FBH1: variants seen among roughly 807,000 people sequenced by gnomAD.
FBH1 encodes the protein F-box DNA helicase 1.
In FBH1, 43 loss-of-function variants were observed where a neutral mutation model predicts 115.5. The observed-to-expected ratio is 0.37, with a 90% CI of 0.29 to 0.48. The LOEUF is 0.48. Among genes scored for constraint, FBH1 ranks in the 20% least tolerant of loss-of-function variants. The probability of loss-of-function intolerance (pLI) is 0.99; values close to 1 mark genes in which losing one functional copy is unlikely to be tolerated. For missense variants in FBH1, 1,001 were observed against 1,337.3 expected, an observed-to-expected ratio of 0.75 and a Z score of 3.92; for synonymous variants, 524 against 507.8, an observed-to-expected ratio of 1.03 and a Z score of -0.43.
chr10:5,893,801 T>C (rs1226755988), intron 1 of FBH1, among the ~76,000 whole-genome samples: 3 of 152,202 alleles, frequency 2.0e-5, no homozygotes, highest in Non-Finnish European at 4.4e-5. Flanking sequence ...ACACCAAGGA[T>C]ACCATAAGAC....
At chr10:5,912,139 C>G (rs151233682) in intron 6 of FBH1, among the ~76,000 whole-genome samples, 4 of 152,072 alleles carry the variant, frequency 2.6e-5, no homozygotes, top group African/African-American at 9.6e-5. Context: ...GCGGGCAGTT[C>G]GCTTGAGGCC....
rs1453623334 is a variant in FBH1, at chr10:5,917,014, C to G, written c.1789-406C>G. 4.7e-6 allele frequency: 1 copy of G among 211,388 alleles called. No individual in the cohort carries two copies. The highest frequency in any genetic ancestry group is 1.2e-4 in the East Asian group (1 of 8,490). 13.1% of individuals were successfully genotyped at this position (211,388 alleles called of 1,614,324 possible). A position where few individuals can be genotyped will look rare whatever the true frequency, so the allele number is the denominator to read the frequency against. Reference sequence around the variant, plus strand: ...TGATCTTAACTGAAGGCTGGAATCTCTCCTGATTTTCTTGGGTTATTGGTT... The same window carrying G: ...TGATCTTAACTGAAGGCTGGAATCTGTCCTGATTTTCTTGGGTTATTGGTT... On this transcript the variant is annotated intron_variant, in intron 10 of 20. Coordinates refer to ENST00000362091, the MANE Select transcript of FBH1 (RefSeq NM_178150.3). The surrounding 1 kb of genome is among the most constrained non-coding windows in gnomAD (Gnocchi z 5.6).
Position 5,908,890 on chromosome 10 carries a change from C to A in FBH1, c.754-35C>A, listed in dbSNP as rs376059819. ...TAATCTGCTTTCTAATGGCCCTTTG[C>A]CTCATGTTATTTTGTTTGTTTTTTA... On this transcript the variant is annotated intron_variant, in intron 3 of 20. Transcript: ENST00000362091. 30 of 1,611,078 alleles carry A rather than the reference C, an allele frequency of 1.9e-5. No individual in the cohort carries two copies. The African/African-American group carries it at 3.7e-4, about 20-fold the overall frequency.
chr10:5,894,064 G>A (rs1202100382), intron 1 of FBH1: 5 of 985,326 alleles, frequency 5.1e-6, no homozygotes, highest in Admixed American at 6.1e-5. Context: ...TGTCTCAGAT[G>A]TGAGAGGATC....
chr10:5,893,316 A>G (rs902218185), intron 1 of FBH1, among the ~76,000 whole-genome samples: 1 of 152,144 alleles, frequency 6.6e-6, no homozygotes, highest in Non-Finnish European at 1.5e-5. Flanking sequence ...TCTGAAAACA[A>G]AAAACAAACA....
intron 13 of FBH1, among the ~76,000 whole-genome samples, chr10:5,920,110 A>G (rs529690948): frequency 1.1e-4 from 16 of 152,258 alleles, no homozygotes; most frequent in Non-Finnish European, 2.1e-4. Context: ...TGGCTGTGAC[A>G]GTTGCTCAGA....
chr10:5,917,827 C>T lies in FBH1; in HGVS notation c.1963+151C>T. 1.4e-6 allele frequency: 1 copy of T among 707,368 alleles called. No individual in the cohort carries two copies. The highest frequency in any genetic ancestry group is 2.4e-6 in the Non-Finnish European group (1 of 423,192). 43.8% of individuals were successfully genotyped at this position (707,368 alleles called of 1,614,324 possible). A position where few individuals can be genotyped will look rare whatever the true frequency, so the allele number is the denominator to read the frequency against. Reference sequence around the variant, plus strand: ...CTTACCTTAGGATTTCAAGCTGCCCCTTCCCCTCACCCAAGCAGATTTCTC... The same window carrying T: ...CTTACCTTAGGATTTCAAGCTGCCCTTTCCCCTCACCCAAGCAGATTTCTC... On this transcript the variant is annotated intron_variant, in intron 12 of 20. Coordinates refer to ENST00000362091, the MANE Select transcript of FBH1 (RefSeq NM_178150.3). The surrounding 1 kb of genome is among the most constrained non-coding windows in gnomAD (Gnocchi z 5.6).
At position 5,913,830 on chromosome 10, in the gene FBH1, T is replaced by C; in HGVS notation, c.1295T>C (p.Val432Ala). The C allele has an allele frequency of 6.3e-7, 1 of 1,599,796 alleles. No homozygotes were observed. Among genetic ancestry groups the C allele is most frequent in the Non-Finnish European group, 8.5e-7 (1 of 1,176,066 alleles). Residue 432 changes from valine (V) to alanine (A), a missense_variant, in exon 7 of 21, where the codon GTC (valine) becomes GCC (alanine). Physicochemically the swap from Val to Ala is moderately conservative, Grantham distance 64 (BLOSUM62 0). Transcript: ENST00000362091. This position sits in a 1 kb window ranked among gnomAD's most constrained non-coding sequence, Gnocchi z 4.4. ...ACAAAAGTTAAAGAGGAGCCATCTG[T>C]CTGGCCAGGGTATGTGTATATGTGC... Reference protein sequence around the residue: ...QATKVKEEPSVWPGKKTIQLT... With the variant: ...QATKVKEEPSAWPGKKTIQLT...
intron 2 of FBH1, among the ~76,000 whole-genome samples, chr10:5,903,590 A>C (rs890283028): frequency 1.3e-5 from 2 of 151,922 alleles, no homozygotes; most frequent in Non-Finnish European, 2.9e-5. Context: ...CGGCCTCCCA[A>C]ACTGCTGGGA....
chr10:5,933,516 T>C lies in FBH1; in HGVS notation c.2830-2940T>C, dbSNP rs140023547. ...CAGAATCTAGAGAAATACTTCCCCATTACTGAGACTGGGGTGGGCTGTCTG... is the reference window on the plus strand; with the variant it reads ...CAGAATCTAGAGAAATACTTCCCCACTACTGAGACTGGGGTGGGCTGTCTG... On this transcript the variant is annotated intron_variant, in intron 19 of 20. Coordinates refer to ENST00000362091, the MANE Select transcript of FBH1 (RefSeq NM_178150.3). This position sits in a 1 kb window ranked among gnomAD's most constrained non-coding sequence, Gnocchi z 4.9. 6.6e-6 allele frequency among the ~76,000 whole-genome samples: 1 copy of C among 152,352 alleles called. No homozygotes were observed. The highest frequency in any genetic ancestry group is 1.9e-4 in the East Asian group (1 of 5,192).
In FBH1 at chr10:5,924,066, C is replaced by A. The variant is rs375870070; in HGVS notation, c.2399-245C>A. 5 of 582,862 alleles carry A rather than the reference C, an allele frequency of 8.6e-6. No homozygotes were observed. Among genetic ancestry groups the A allele is most frequent in the East Asian group, 8.5e-5 (3 of 35,162 alleles). The allele number at this position is 582,862 out of a possible 1,614,324, so 36.1% of individuals were successfully genotyped here. On this transcript the variant is annotated intron_variant, in intron 16 of 20. Coordinates refer to ENST00000362091, the MANE Select transcript of FBH1 (RefSeq NM_178150.3). The surrounding 1 kb of genome is among the most constrained non-coding windows in gnomAD (Gnocchi z 6.2). ...CCTGTTGACTGCACTATTTCAAATCCCTGTGAAGTAGGTGAGGATCTTGAG... is the reference window on the plus strand; with the variant it reads ...CCTGTTGACTGCACTATTTCAAATCACTGTGAAGTAGGTGAGGATCTTGAG...
intron 20 of FBH1, 98 bp from the exon 21 acceptor site, chr10:5,937,012 G>GT: frequency 2.2e-6 from 3 of 1,353,250 alleles, no homozygotes; most frequent in African/African-American, 1.5e-5. Context: ...CAAATGCGTT[G>GT]TCCCTGGGCA....
chr10:5,894,275 A>G, intron 1 of FBH1: 1 of 1,435,938 alleles, frequency 7.0e-7, no homozygotes, highest in Non-Finnish European at 9.1e-7. Context: ...ATTTAGTGGT[A>G]TTTTCCTTAT....
At chr10:5,920,310 A>G (rs547638775) in intron 13 of FBH1, among the ~76,000 whole-genome samples, 1 of 152,342 alleles carries the variant, frequency 6.6e-6, no homozygotes, top group African/African-American at 2.4e-5. Context: ...TACTGTCACC[A>G]TGGCTCATGA....
chr10:5,903,531 G>T (rs935316267), intron 2 of FBH1, among the ~76,000 whole-genome samples: 12 of 151,834 alleles, frequency 7.9e-5, no homozygotes, highest in African/African-American at 2.9e-4. Context: ...GTTTCTCCAT[G>T]TTGGTCAGGC....
At position 5,924,846 on chromosome 10, in the gene FBH1, G is replaced by A. The variant is rs538759443; in HGVS notation, c.2596+338G>A. The A allele has an allele frequency of 1.6e-4, 70 of 427,726 alleles. No individual in the cohort carries two copies. The East Asian group carries it at 2.8e-3, about 17-fold the overall frequency. 26.5% of individuals were successfully genotyped at this position (427,726 alleles called of 1,614,324 possible). ...CTCCCAAAGTGCTAGAATTACAGGCGTGAGCCACTGCGCCCAGCCTCTTCT... is the reference window on the plus strand; with the variant it reads ...CTCCCAAAGTGCTAGAATTACAGGCATGAGCCACTGCGCCCAGCCTCTTCT... On this transcript the variant is annotated intron_variant, in intron 17 of 20. Coordinates refer to ENST00000362091, the MANE Select transcript of FBH1 (RefSeq NM_178150.3). The surrounding 1 kb of genome is among the most constrained non-coding windows in gnomAD (Gnocchi z 6.2).
intron 1 of FBH1, among the ~76,000 whole-genome samples, chr10:5,892,037 A>G (rs1235370275): frequency 6.6e-6 from 1 of 151,112 alleles, no homozygotes; most frequent in East Asian, 1.9e-4. Flanking sequence ...CTAAATGATA[A>G]TGTATGTGAA....
At position 5,923,689 on chromosome 10, in the gene FBH1, G is replaced by T. The variant is rs762993740; in HGVS notation, c.2391G>T (p.Arg797=). The T allele has an allele frequency of 6.2e-7, 1 of 1,613,986 alleles. No individual in the cohort carries two copies. The highest frequency in any genetic ancestry group is 8.5e-7 in the Non-Finnish European group (1 of 1,179,868). The part of the protein sequence containing the change: ...IWILLQPEEE[R]RKQNLVIKDK... ...TCCTTCTTCAGCCAGAGGAAGAACG[G>T]AGGAAACGTGAGTACCCACCTGGCC... Residue 797 remains arginine, a synonymous_variant, in exon 16 of 21, where the codon CGG becomes CGT. Transcript: ENST00000362091. The surrounding 1 kb of genome is among the most constrained non-coding windows in gnomAD (Gnocchi z 5.7).
Position 5,917,597 on chromosome 10 carries a change from G to A in FBH1, c.1884G>A (p.Leu628=). 6.2e-7 allele frequency: 1 copy of A among 1,614,140 alleles called. No individual in the cohort carries two copies. ...CGTCTCTCCTTATTTTAGGCTACTT[G>A]AAACTCTGGCAGCTGAGCAAGCCTT... ...EAHQMTHDGY[L]KLWQLSKPSL... The change falls in exon 12 of 21, where the codon TTG becomes TTA. Residue 628 remains leucine, a synonymous_variant. Coordinates refer to ENST00000362091, the MANE Select transcript of FBH1 (RefSeq NM_178150.3). This position sits in a 1 kb window ranked among gnomAD's most constrained non-coding sequence, Gnocchi z 5.6.
Sources: gnomAD v4.1 joint callset for allele counts (sites outside exome capture counted in the v4.1 genomes callset) on GRCh38, gnomAD v4.1.1 for gene constraint, Gnocchi (gnomAD v3.1) non-coding constraint, MANE v1.5 for transcripts, NCBI Gene and HGNC (gene_info 2026-07-23, HGNC 2026-07-21) for gene names.